MON2: variants seen among roughly 807,000 people sequenced by gnomAD.
The protein encoded by MON2 is MON2 regulator of endosome-to-Golgi trafficking.
A neutral mutation model predicts 208.6 loss-of-function variants in MON2; 84 were observed. That is an observed-to-expected ratio of 0.40 (90% CI 0.34 to 0.48). The LOEUF (loss-of-function observed/expected upper bound fraction) is 0.48. Among genes scored for constraint, MON2 ranks in the 20% least tolerant of loss-of-function variants. The pLI, the probability that MON2 is intolerant of heterozygous loss-of-function variation, is 0.59. For missense variants in MON2, 1,611 were observed against 2,015.4 expected (o/e 0.80, Z 3.84); for synonymous variants, 660 against 694.0 (o/e 0.95, Z 0.77).
Position 62,535,601 on chromosome 12 carries a change from G to C in MON2, c.1792G>C (p.Val598Leu). 6.2e-7 allele frequency: 1 copy of C among 1,613,766 alleles called. No homozygotes were observed. The highest frequency in any genetic ancestry group is 8.5e-7 in the Non-Finnish European group (1 of 1,179,816). Residue 598 changes from valine to leucine, a missense_variant, in exon 14 of 35, where the codon GTA becomes CTA. Transcript: ENST00000393630. ...MAALCGRLGLVTSRDAFITAI... is the reference protein window; with the variant it reads ...MAALCGRLGLLTSRDAFITAI... ...TGCTCTTTGTGGAAGACTGGGCCTT[G>C]TAACTTCAAGAGATGCCTTTATAAC...
chr12:62,550,909 C>CTTTTTTTTTTTTTT (rs869160726), intron 23 of MON2, among the ~76,000 whole-genome samples: 4 of 43,814 alleles, frequency 9.1e-5, no homozygotes, highest in African/African-American at 1.0e-4. Context: ...TTCTTTCTTT[C>CTTTTTTTTTTTTTT]TTTTTTTTTT....
intron 32 of MON2, among the ~76,000 whole-genome samples, chr12:62,581,629 A>ACG (rs1199294655): frequency 6.6e-6 from 1 of 152,188 alleles, no homozygotes; most frequent in African/African-American, 2.4e-5. Context: ...TAAGGTCAGG[A>ACG]GTTCAAGACC....
intron 1 of MON2, among the ~76,000 whole-genome samples, chr12:62,479,003 TAGAA>T: frequency 6.6e-6 from 1 of 152,310 alleles, no homozygotes; most frequent in South Asian, 2.1e-4. Context: ...ACAGAAATTG[TAGAA>T]AGAAGAAATA....
intron 25 of MON2, among the ~76,000 whole-genome samples, chr12:62,557,962 A>ATATATATATATATATT (rs1364201663): frequency 9.6e-5 from 2 of 20,872 alleles, no homozygotes; most frequent in African/African-American, 3.2e-4. Context: ...ATATATATAT[A>ATATATATATATATATT]TTTTTTTTTT....
chr12:62,476,211 A>T (rs1166964114), intron 1 of MON2, among the ~76,000 whole-genome samples: 1 of 152,146 alleles, frequency 6.6e-6, no homozygotes, highest in Non-Finnish European at 1.5e-5. Flanking sequence ...GAATAATTGA[A>T]TGTTACAGAA....
chr12:62,543,325 C>T (rs943195129), intron 20 of MON2, 127 bp downstream of exon 20: 2 of 449,258 alleles, frequency 4.5e-6, no homozygotes, highest in Admixed American at 8.7e-5. Flanking sequence ...TGTGTACTTA[C>T]TTATGTTTGT....
chr12:62,572,814 T>C (rs1169734028), intron 30 of MON2, among the ~76,000 whole-genome samples: 1 of 152,226 alleles, frequency 6.6e-6, no homozygotes, highest in Non-Finnish European at 1.5e-5. Flanking sequence ...CGTGTACTGC[T>C]AAATAACCAT....
At chr12:62,557,928 TTATATATATA>T (rs71086609) in intron 25 of MON2, among the ~76,000 whole-genome samples, 39 of 46,130 alleles carry the variant, frequency 8.5e-4, no homozygotes, top group African/African-American at 2.6e-3. Flanking sequence ...ACGAATAGAT[TTATATATATA>T]TATATATATA....
intron 1 of MON2, among the ~76,000 whole-genome samples, chr12:62,468,284 C>T (rs2068611531): frequency 6.6e-6 from 1 of 152,076 alleles, no homozygotes; most frequent in Non-Finnish European, 1.5e-5. Flanking sequence ...GATCCCCCTG[C>T]CTCGGCCTCC....
chr12:62,482,563 T>C (rs2069510456), intron 1 of MON2: 2 of 152,220 alleles, frequency 1.3e-5, no homozygotes, highest in African/African-American at 2.4e-5. Context: ...GTACTTACTA[T>C]CTTTGGAAGT....
chr12:62,558,440 C>T (rs1000221118), intron 25 of MON2, among the ~76,000 whole-genome samples: 3 of 152,096 alleles, frequency 2.0e-5, no homozygotes, highest in African/African-American at 7.2e-5. Context: ...GGGACCCCTT[C>T]TCTGACATAA....
At chr12:62,590,027 G>A (rs563614483) in intron 34 of MON2, among the ~76,000 whole-genome samples, 2 of 152,254 alleles carry the variant, frequency 1.3e-5, no homozygotes, top group South Asian at 4.1e-4. Context: ...TTCATTATTT[G>A]TTTTGGGGCT....
intron 7 of MON2, among the ~76,000 whole-genome samples, chr12:62,508,065 T>C (rs1377512234): frequency 6.6e-6 from 1 of 152,170 alleles, no homozygotes; most frequent in East Asian, 1.9e-4. Flanking sequence ...GCCACTATGC[T>C]GGGCTCTGAT....
intron 21 of MON2, among the ~76,000 whole-genome samples, chr12:62,545,965 T>C (rs2073465270): frequency 6.6e-6 from 1 of 152,198 alleles, no homozygotes; most frequent in Non-Finnish European, 1.5e-5. Flanking sequence ...AGCTTAGAAA[T>C]GTTTATTCAG....
chr12:62,529,529 T>C (rs1198523291), intron 11 of MON2, among the ~76,000 whole-genome samples: 1 of 152,242 alleles, frequency 6.6e-6, no homozygotes, highest in Non-Finnish European at 1.5e-5. Flanking sequence ...AGCTTTTTTA[T>C]TGTAATCTTT....
intron 2 of MON2, among the ~76,000 whole-genome samples, chr12:62,486,184 G>A (rs185297107): frequency 8.6e-5 from 13 of 151,936 alleles, no homozygotes; most frequent in Admixed American, 2.0e-4. Flanking sequence ...TGTTGATACC[G>A]TGGTAAGTCC....
chr12:62,537,178 T>C lies in MON2; in HGVS notation c.1928T>C (p.Met643Thr), dbSNP rs113956829. 2.4e-5 allele frequency: 39 copies of C among 1,612,822 alleles called. No homozygotes were observed. The African/African-American group carries it at 4.3e-4, about 18-fold the overall frequency. The change falls in exon 15 of 35, where the codon ATG (methionine) becomes ACG (threonine). Residue 643 changes from methionine (M) to threonine (T), a missense_variant. Transcript: ENST00000393630. Reference sequence around the variant, plus strand: ...TATTCCGTTCAGGGCCAAAGTGTTATGATGATAAGTCCATCAAGTGAATCT... The same window carrying C: ...TATTCCGTTCAGGGCCAAAGTGTTACGATGATAAGTCCATCAAGTGAATCT... ...KSYSVQGQSV[M>T]MISPSSESHQ...
At position 62,566,271 on chromosome 12, in the gene MON2, T is replaced by G. The variant is rs577021853; in HGVS notation, c.4195-51T>G. Reference sequence around the variant, plus strand: ...GCTTTCTCTTTGAAAACAATATGATTAATTTAATCTCAGTTTATTTTTAAC... The same window carrying G: ...GCTTTCTCTTTGAAAACAATATGATGAATTTAATCTCAGTTTATTTTTAAC... On this transcript the variant is annotated intron_variant, in intron 28 of 34. Transcript: ENST00000393630. 32 of 1,576,284 alleles carry G rather than the reference T, an allele frequency of 2.0e-5. No individual in the cohort carries two copies. The African/African-American group carries it at 4.2e-4, about 21-fold the overall frequency.
At chr12:62,472,280 G>T (rs537237137) in intron 1 of MON2, among the ~76,000 whole-genome samples, 3 of 152,178 alleles carry the variant, frequency 2.0e-5, no homozygotes, top group Non-Finnish European at 4.4e-5. Context: ...TGGGACAATG[G>T]TGGGAATATT....
Sources: gnomAD v4.1 joint callset for allele counts (sites outside exome capture counted in the v4.1 genomes callset) on GRCh38, gnomAD v4.1.1 for gene constraint, MANE v1.5 for transcripts, NCBI Gene and HGNC (gene_info 2026-07-23, HGNC 2026-07-21) for gene names.